UMAD1: variants seen among roughly 807,000 people sequenced by gnomAD.
UMAD1 encodes the protein UBAP1-MVB12-associated (UMA) domain containing 1.
Under a neutral mutation model 6.1 loss-of-function variants are expected in UMAD1, and 8 were observed. The observed-to-expected ratio is 1.30, with a 90% confidence interval of 0.76 to 2.35. The LOEUF is 2.35. Ranked by LOEUF, UMAD1 falls within the 30% of genes most tolerant of loss-of-function variation. The pLI is 0.00. For synonymous variants in UMAD1, 56 were observed against 31.4 expected, an observed-to-expected ratio of 1.78 and a Z score of -2.61; for missense variants, 130 against 78.4, an observed-to-expected ratio of 1.66 and a Z score of -2.49.
rs1371550335 is a variant in UMAD1 at position 7,878,096 on chromosome 7, AG to A, written c.*559del. 1 of 154,300 alleles carries A rather than the reference AG, an allele frequency of 6.5e-6. No individual in the cohort carries two copies. The highest frequency in any genetic ancestry group is 1.9e-4 in the East Asian group (1 of 5,228). 9.6% of individuals were successfully genotyped at this position (154,300 alleles called of 1,614,324 possible). ...GCTAGTTTGCTGATACAAGGATGCT[AG>A]ACCTGCTCTGCGTGCTCTTTCTGGA... On this transcript the variant is annotated 3_prime_UTR_variant, in exon 4 of 4. Coordinates refer to ENST00000682710, the MANE Select transcript of UMAD1 (RefSeq NM_001302348.2).
chr7:7,712,198 A>G (rs964144860), intron 2 of UMAD1, among the ~76,000 whole-genome samples: 6 of 152,124 alleles, frequency 3.9e-5, no homozygotes, highest in Non-Finnish European at 8.8e-5. Context: ...AGTTGATCTT[A>G]TGCCAAATAA....
chr7:7,648,648 C>T (rs1242982211), intron 1 of UMAD1, among the ~76,000 whole-genome samples: 1 of 149,424 alleles, frequency 6.7e-6, no homozygotes, highest in African/African-American at 2.5e-5. Flanking sequence ...TTCAGGAGTT[C>T]GAGACAAGCC....
At chr7:7,709,117 A>G (rs191121914) in intron 2 of UMAD1, among the ~76,000 whole-genome samples, 54 of 152,314 alleles carry the variant, frequency 3.5e-4, no homozygotes, top group Admixed American at 7.8e-4. Flanking sequence ...ATTTTGCAAA[A>G]TTCGGCATGG....
intron 2 of UMAD1, among the ~76,000 whole-genome samples, chr7:7,743,953 A>G (rs1244724962): frequency 6.6e-6 from 1 of 152,100 alleles, no homozygotes; most frequent in African/African-American, 2.4e-5. Flanking sequence ...ACATTAACGT[A>G]AAGTGTACGA....
intron 3 of UMAD1, among the ~76,000 whole-genome samples, chr7:7,823,970 T>C (rs975335026): frequency 3.3e-5 from 5 of 152,124 alleles, no homozygotes; most frequent in African/African-American, 1.2e-4. Context: ...AGTGAATTCA[T>C]AGAGAACGTG....
intron 1 of UMAD1, among the ~76,000 whole-genome samples, chr7:7,642,883 G>A (rs1256618775): frequency 1.3e-5 from 2 of 152,064 alleles, no homozygotes; most frequent in Non-Finnish European, 2.9e-5. Flanking sequence ...ACACATGCAG[G>A]CGTTGCTAAA....
At chr7:7,846,158 A>G (rs1783778876) in intron 3 of UMAD1, among the ~76,000 whole-genome samples, 1 of 152,132 alleles carries the variant, frequency 6.6e-6, no homozygotes, top group Admixed American at 6.6e-5. Flanking sequence ...CTATCTGTAA[A>G]TTGGGGTTAA....
chr7:7,688,777 A>C lies in UMAD1; in HGVS notation c.82+15324A>C, dbSNP rs114651656. On this transcript the variant is annotated intron_variant, in intron 2 of 3. Coordinates refer to ENST00000682710, the MANE Select transcript of UMAD1 (RefSeq NM_001302348.2). ...ACATCTAACCCGCTGCGTATTTTAT[A>C]AAATTGTAAGCACATGACTATCAAA... Among the ~76,000 whole-genome samples, 680 of 152,300 alleles carry C rather than the reference A, an allele frequency of 4.5e-3. 7 individuals are homozygous for C. The highest frequency in any genetic ancestry group is 0.016 in the African/African-American group (654 of 41,556).
chr7:7,855,920 G>A (rs1784008502), intron 3 of UMAD1, among the ~76,000 whole-genome samples: 3 of 152,114 alleles, frequency 2.0e-5, no homozygotes, highest in South Asian at 4.1e-4. Flanking sequence ...CTAGGGCAAG[G>A]ACAAAATGCT....
intron 3 of UMAD1, among the ~76,000 whole-genome samples, chr7:7,806,184 AGACTATTATTAGAT>A (rs1336672848): frequency 6.6e-6 from 1 of 152,022 alleles, no homozygotes; most frequent in African/African-American, 2.4e-5. Flanking sequence ...TCTGTTCACT[AGACTATTATTAGAT>A]GAGCAGTTTC....
At chr7:7,656,474 A>C (rs996727702) in intron 1 of UMAD1, among the ~76,000 whole-genome samples, 6 of 151,782 alleles carry the variant, frequency 4.0e-5, no homozygotes, top group African/African-American at 1.5e-4. Context: ...CTAGCCTTCC[A>C]CCCCATGACA....
At chr7:7,678,062 G>C (rs1020989785) in intron 2 of UMAD1, among the ~76,000 whole-genome samples, 2 of 152,162 alleles carry the variant, frequency 1.3e-5, no homozygotes, top group Admixed American at 6.5e-5. Flanking sequence ...GAATGTGGAC[G>C]TCTCTTTGAT....
Position 7,673,416 on chromosome 7 carries a change from A to G in UMAD1, c.45A>G (p.Ser15=), listed in dbSNP as rs1314205414. The change falls in exon 2 of 4, where the codon TCA becomes TCG. Residue 15 remains serine, a synonymous_variant. Transcript: ENST00000682710. ...AGCCTCCGGAATCTAAAAAGCCCTC[A>G]GTACCAGAGACAGAAGCAGATGGAT... The part of the protein sequence containing the change: ...FRKPPESKKP[S]VPETEADGFV... The G allele has an allele frequency of 1.9e-6, 2 of 1,042,398 alleles. No individual in the cohort carries two copies. Among genetic ancestry groups the G allele is most frequent in the African/African-American group, 3.1e-5 (2 of 64,116 alleles). The allele number at this position is 1,042,398 out of a possible 1,614,324, so 64.6% of individuals were successfully genotyped here. A position where few individuals can be genotyped will look rare whatever the true frequency, so the allele number is the denominator to read the frequency against.
Position 7,801,666 on chromosome 7 carries a change from A to G in UMAD1, c.83-4A>G, listed in dbSNP as rs1047434524. 3 of 717,666 alleles carry G rather than the reference A, an allele frequency of 4.2e-6. No individual in the cohort carries two copies. The highest frequency in any genetic ancestry group is 2.0e-5 in the Admixed American group (1 of 49,916). The allele number at this position is 717,666 out of a possible 1,614,324, so 44.5% of individuals were successfully genotyped here. A position where few individuals can be genotyped will look rare whatever the true frequency, so the allele number is the denominator to read the frequency against. On this transcript the variant is annotated splice_polypyrimidine_tract_variant and splice_region_variant and intron_variant, in intron 2 of 3. Coordinates refer to ENST00000682710, the MANE Select transcript of UMAD1 (RefSeq NM_001302348.2). ...TAAAAATAGACATATATTTTACTTC[A>G]TAGGAGATACAACAGATGAGCAAAG...
chr7:7,779,939 C>T (rs1006689964), intron 2 of UMAD1, among the ~76,000 whole-genome samples: 3 of 152,176 alleles, frequency 2.0e-5, no homozygotes, highest in Non-Finnish European at 4.4e-5. Flanking sequence ...CCACTGTGCC[C>T]GGCCCAAGTT....
chr7:7,698,122 A>G (rs1269344261), intron 2 of UMAD1, among the ~76,000 whole-genome samples: 1 of 152,218 alleles, frequency 6.6e-6, no homozygotes, highest in Non-Finnish European at 1.5e-5. Flanking sequence ...TGAGTTAGAC[A>G]CTGTGCTGAC....
chr7:7,863,894 T>C (rs980358106), intron 3 of UMAD1, among the ~76,000 whole-genome samples: 3 of 152,230 alleles, frequency 2.0e-5, no homozygotes, highest in Admixed American at 6.5e-5. Flanking sequence ...AAAGAGACTC[T>C]CCCTGGGCCT....
rs564198866 is a variant in UMAD1 at position 7,649,637 on chromosome 7, G to C, written c.-64+8816G>C. 7.3e-5 allele frequency among the ~76,000 whole-genome samples: 11 copies of C among 151,650 alleles called. No homozygotes were observed. The South Asian group carries it at 2.3e-3, about 32-fold the overall frequency. On this transcript the variant is annotated intron_variant, in intron 1 of 3. Coordinates refer to ENST00000682710, the MANE Select transcript of UMAD1 (RefSeq NM_001302348.2). ...TTTTGTTACTTTTTTCTTCTTTAAT[G>C]TTATCAGTCTGTGTTAATTTGAATG... is the stretch of plus-strand genomic sequence containing the variant.
At chr7:7,867,958 A>G (rs1375362584) in intron 3 of UMAD1, among the ~76,000 whole-genome samples, 5 of 151,908 alleles carry the variant, frequency 3.3e-5, no homozygotes, top group African/African-American at 4.8e-5. Context: ...TGGGGGGTAG[A>G]GCAGATAGAG....
Sources: allele counts gnomAD v4.1 joint callset (sites outside exome capture counted in the v4.1 genomes callset), GRCh38; gene constraint gnomAD v4.1.1; transcripts MANE v1.5; gene names NCBI Gene and HGNC (gene_info 2026-07-23, HGNC 2026-07-21).